Variants in ABI3BP observed in about 807,000 individuals in gnomAD.
ABI3BP encodes the protein target of Nesh-SH3.
A neutral mutation model predicts 268.6 loss-of-function variants in ABI3BP; 216 were observed. That is an observed-to-expected ratio of 0.80 (90% confidence interval 0.72 to 0.90). ABI3BP has a LOEUF of 0.90. Among genes scored for constraint, ABI3BP ranks in the 40% least tolerant of loss-of-function variants. ABI3BP has a pLI of 0.00. For synonymous variants in ABI3BP, 730 were observed against 730.0 expected, an observed-to-expected ratio of 1.00 and a Z score of 0.00; for missense variants, 2,090 against 2,182.4, an observed-to-expected ratio of 0.96 and a Z score of 0.84.
intron 64 of ABI3BP, 115 bp from the exon 65 acceptor site, chr3:100,753,963 G>T: frequency 1.9e-6 from 2 of 1,057,328 alleles, no homozygotes; most frequent in East Asian, 2.6e-5. Flanking sequence ...TTGCAAAATG[G>T]TACTCTTTTG....
chr3:100,830,163 AT>A (rs1350068241), intron 32 of ABI3BP, among the ~76,000 whole-genome samples: 15 of 117,182 alleles, frequency 1.3e-4, no homozygotes, highest in Non-Finnish European at 2.2e-4. Context: ...ATATATATAT[AT>A]AAAATGCAGA....
Position 100,834,738 on chromosome 3 carries a change from G to A in ABI3BP, c.2227C>T (p.Pro743Ser). The stretch of plus-strand genomic sequence containing the variant: ...GGCGTGGTTTTATGTTTGGGACGTG[G>A]ACGACGTGTTCTTGTTCGTTGCGAT... ...KTSQRTRTRRPRPKHKTTPRP... is the reference protein window; with the variant it reads ...KTSQRTRTRRSRPKHKTTPRP... Residue 743 changes from proline (P) to serine (S), a missense_variant, in exon 29 of 68, where the codon CCA becomes TCA. Transcript: ENST00000471714. 1 of 1,535,774 alleles carries A rather than the reference G, an allele frequency of 6.5e-7. No homozygotes were observed. The highest frequency in any genetic ancestry group is 1.2e-5 in the South Asian group (1 of 84,064).
At chr3:100,905,108 G>C (rs2052669266) in intron 2 of ABI3BP, among the ~76,000 whole-genome samples, 1 of 152,164 alleles carries the variant, frequency 6.6e-6, no homozygotes, top group African/African-American at 2.4e-5. Flanking sequence ...CATGTCCTTT[G>C]TAGGGACATG....
At chr3:100,922,649 G>A (rs1341891547) in intron 2 of ABI3BP, among the ~76,000 whole-genome samples, 4 of 152,064 alleles carry the variant, frequency 2.6e-5, no homozygotes, top group Admixed American at 2.6e-4. Context: ...TTGAGTGGAA[G>A]AGAAATGCAG....
intron 1 of ABI3BP, among the ~76,000 whole-genome samples, chr3:100,987,968 T>G (rs1277476599): frequency 6.6e-6 from 1 of 152,222 alleles, no homozygotes; most frequent in Non-Finnish European, 1.5e-5. Flanking sequence ...ATTTCTTGCT[T>G]GGTGGTTTTT....
chr3:100,848,353 C>T (rs1054195254), intron 18 of ABI3BP, among the ~76,000 whole-genome samples: 2 of 152,168 alleles, frequency 1.3e-5, no homozygotes, highest in African/African-American at 4.8e-5. Context: ...AATTCACATG[C>T]AAAAATATAA....
intron 1 of ABI3BP, among the ~76,000 whole-genome samples, chr3:100,931,574 G>A (rs984284389): frequency 1.2e-4 from 18 of 151,842 alleles, no homozygotes; most frequent in African/African-American, 4.3e-4. Context: ...CAAACGAAGG[G>A]CCAAATCAAG....
At chr3:100,750,683 G>A (rs1293688675) in intron 67 of ABI3BP, 73 bp from the exon 68 acceptor site, 1 of 1,052,432 alleles carries the variant, frequency 9.5e-7, no homozygotes, top group African/African-American at 1.6e-5. Context: ...TAGATTGAAG[G>A]ATGTCGTTGA....
rs2097654001 is a variant in ABI3BP, at chr3:100,804,783, A to G, written c.3757+9T>C. 2 of 1,612,158 alleles carry G rather than the reference A, an allele frequency of 1.2e-6. No homozygotes were observed. The highest frequency in any genetic ancestry group is 2.7e-5 in the African/African-American group (2 of 74,974). On this transcript the variant is annotated intron_variant, in intron 51 of 67. Coordinates refer to ENST00000471714, the MANE Select transcript of ABI3BP (RefSeq NM_001375547.2). ...TGCATTTGGCTTAAACATGAAATAA[A>G]GCATTTACCAGGTGTGGTGTATGAC...
intron 1 of ABI3BP, among the ~76,000 whole-genome samples, chr3:100,927,746 G>T (rs1209314488): frequency 6.6e-6 from 1 of 152,034 alleles, no homozygotes; most frequent in Non-Finnish European, 1.5e-5. Context: ...CTCCCACCAG[G>T]CCTTACCTCT....
At chr3:100,869,223 T>C (rs4928091) in intron 9 of ABI3BP, among the ~76,000 whole-genome samples, 81,652 of 151,090 alleles carry the variant, frequency 0.54, 22,408 homozygotes, top group South Asian at 0.59. Flanking sequence ...AATCAGGCTG[T>C]TAATGAAGAA....
In ABI3BP at chr3:100,846,367, A is replaced by T. The variant is rs755158254; in HGVS notation, c.1723+5T>A. On this transcript the variant is annotated splice_donor_5th_base_variant and intron_variant, in intron 20 of 67. Transcript: ENST00000471714. ...GGAATATTCAAAAAAGTTTAGGGTA[A>T]TTACCAGGTTTGGTGTGTGTCACTT... The T allele has an allele frequency of 5.7e-6, 9 of 1,578,912 alleles. No individual in the cohort carries two copies. In the East Asian group the frequency reaches 2.0e-4, roughly 36 times the overall value.
At position 100,822,655 on chromosome 3, in the gene ABI3BP, G is replaced by A. The variant is rs924075949; in HGVS notation, c.2821C>T (p.Arg941Trp). ...STTLASKTSQ[R>W]TRRPRLRTKT... ...GTTCTGAGACGTGGACGACGTGTCCGTTGTGATGTTTTGGAAGCTGAAGGA... is the reference window on the plus strand; with the variant it reads ...GTTCTGAGACGTGGACGACGTGTCCATTGTGATGTTTTGGAAGCTGAAGGA... The change falls in exon 38 of 68, where the codon CGG becomes TGG. Residue 941 changes from arginine (R) to tryptophan (W), a missense_variant. Transcript: ENST00000471714. 2.5e-5 allele frequency: 39 copies of A among 1,536,390 alleles called. No homozygotes were observed. Among genetic ancestry groups the A allele is most frequent in the Admixed American group, 5.9e-5 (3 of 50,972 alleles).
intron 20 of ABI3BP, chr3:100,843,913 T>C (rs1479472905): frequency 1.0e-6 from 1 of 985,148 alleles, no homozygotes; most frequent in African/African-American, 1.7e-5. Context: ...AAGAACGTTG[T>C]TTTTGAAATT....
At chr3:100,785,359 A>T (rs938519296) in intron 57 of ABI3BP, among the ~76,000 whole-genome samples, 1 of 152,186 alleles carries the variant, frequency 6.6e-6, no homozygotes, top group Non-Finnish European at 1.5e-5. Flanking sequence ...ATTTCTATAA[A>T]GAAGTCTGAT....
chr3:100,924,133 A>G (rs546298731), intron 2 of ABI3BP, among the ~76,000 whole-genome samples: 13 of 152,188 alleles, frequency 8.5e-5, no homozygotes, highest in Non-Finnish European at 1.8e-4. Context: ...CCAGTTCCAT[A>G]TTCTATAATA....
chr3:100,810,108 G>A (rs533867267), intron 49 of ABI3BP, among the ~76,000 whole-genome samples: 27 of 152,094 alleles, frequency 1.8e-4, no homozygotes, highest in Non-Finnish European at 3.2e-4. Flanking sequence ...AGATGAATTA[G>A]AATTAAAATC....
chr3:100,892,277 A>G (rs2045078722), intron 4 of ABI3BP, among the ~76,000 whole-genome samples: 1 of 152,216 alleles, frequency 6.6e-6, no homozygotes. Flanking sequence ...TCCAGATGTG[A>G]GATAACAAGG....
intron 63 of ABI3BP, 48 bp downstream of exon 63, chr3:100,765,793 T>G: frequency 7.4e-7 from 1 of 1,354,346 alleles, no homozygotes; most frequent in Non-Finnish European, 1.0e-6. Flanking sequence ...GTTGTGGTTA[T>G]AACTTTTGCA....
Sources: gnomAD v4.1 joint callset for allele counts (sites outside exome capture counted in the v4.1 genomes callset) on GRCh38, gnomAD v4.1.1 for gene constraint, MANE v1.5 for transcripts, NCBI Gene and HGNC (gene_info 2026-07-23, HGNC 2026-07-21) for gene names.